Variants in RSBN1L observed in about 807,000 individuals in gnomAD.
RSBN1L encodes round spermatid basic protein 1 like.
Under a neutral mutation model 67.7 loss-of-function variants are expected in RSBN1L, and 30 were observed. The observed-to-expected ratio is 0.44, with a 90% confidence interval of 0.33 to 0.60. The LOEUF (loss-of-function observed/expected upper bound fraction) is 0.60, where lower values mean the gene tolerates loss of function less well. RSBN1L is among the 20% of genes least tolerant of loss of function. RSBN1L has a pLI of 0.02. For synonymous variants in RSBN1L, 433 were observed against 387.0 expected, an observed-to-expected ratio of 1.12 and a Z score of -1.39; for missense variants, 992 against 1,031.7, an observed-to-expected ratio of 0.96 and a Z score of 0.53.
chr7:77,705,714 G>C (rs897343964), intron 1 of RSBN1L, among the ~76,000 whole-genome samples: 3 of 151,716 alleles, frequency 2.0e-5, no homozygotes, highest in Non-Finnish European at 4.4e-5. Flanking sequence ...GTTTCACCAT[G>C]TTGACCAGGC....
chr7:77,716,624 CTTTTTT>C (rs61611975), intron 1 of RSBN1L, among the ~76,000 whole-genome samples: 2 of 75,290 alleles, frequency 2.7e-5, no homozygotes, highest in African/African-American at 5.1e-5. Context: ...GTATCTTCAT[CTTTTTT>C]TTTTTTTTTT....
chr7:77,698,870 C>CAGAA (rs34861647), intron 1 of RSBN1L, among the ~76,000 whole-genome samples: 3 of 151,960 alleles, frequency 2.0e-5, no homozygotes, highest in Non-Finnish European at 4.4e-5. Flanking sequence ...GATTCCTTTC[C>CAGAA]AGTGTCTTGG....
chr7:77,745,959 C>T (rs890189961), intron 2 of RSBN1L, among the ~76,000 whole-genome samples: 1 of 152,100 alleles, frequency 6.6e-6, no homozygotes, highest in African/African-American at 2.4e-5. Flanking sequence ...GAATCTAATA[C>T]TGACAGGAAG....
chr7:77,711,810 G>A (rs988341016), intron 1 of RSBN1L, among the ~76,000 whole-genome samples: 1 of 152,136 alleles, frequency 6.6e-6, no homozygotes, highest in Non-Finnish European at 1.5e-5. Flanking sequence ...AATTTTACCT[G>A]TTGTGCATAT....
At chr7:77,772,042 C>G (rs1791857238) in intron 5 of RSBN1L, among the ~76,000 whole-genome samples, 1 of 152,100 alleles carries the variant, frequency 6.6e-6, no homozygotes, top group Non-Finnish European at 1.5e-5. Flanking sequence ...AAGTGCTGTA[C>G]AGTCTTAATT....
chr7:77,740,822 C>A (rs1458801390), intron 2 of RSBN1L, among the ~76,000 whole-genome samples: 1 of 151,738 alleles, frequency 6.6e-6, no homozygotes, highest in Admixed American at 6.6e-5. Context: ...TCTAAGTATA[C>A]CTGCATCTCT....
Position 77,763,942 on chromosome 7 carries a change from C to T in RSBN1L, c.1345-1553C>T, listed in dbSNP as rs916164545. Among the ~76,000 whole-genome samples, 4 of 152,182 alleles carry T rather than the reference C, an allele frequency of 2.6e-5. No homozygotes were observed. The East Asian group carries it at 7.7e-4, about 29-fold the overall frequency. The stretch of plus-strand genomic sequence containing the variant: ...GGTGAATTTATTAAAGAATTAATGT[C>T]ATTATTAAACTGCTTTGCTGATTAT... On this transcript the variant is annotated intron_variant, in intron 3 of 7. Transcript: ENST00000334955.
chr7:77,716,580 G>T (rs1288282948), intron 1 of RSBN1L, among the ~76,000 whole-genome samples: 1 of 142,226 alleles, frequency 7.0e-6, no homozygotes, highest in Non-Finnish European at 1.5e-5. Flanking sequence ...TTATAGTCAT[G>T]ACAGAATTAT....
intron 3 of RSBN1L, among the ~76,000 whole-genome samples, chr7:77,763,709 T>C (rs1791725508): frequency 6.6e-6 from 1 of 152,214 alleles, no homozygotes; most frequent in Non-Finnish European, 1.5e-5. Flanking sequence ...GTTTGTTTTT[T>C]TGAGACAGGA....
Position 77,713,651 on chromosome 7 carries a change from C to T in RSBN1L, c.586+16596C>T, listed in dbSNP as rs540287574. On this transcript the variant is annotated intron_variant, in intron 1 of 7. Transcript: ENST00000334955. Reference sequence around the variant, plus strand: ...GATTACAGGCGTGAGCCACCATGCCCGGCCTCTCTCTTCCTTTTTTTTTTT... The same window carrying T: ...GATTACAGGCGTGAGCCACCATGCCTGGCCTCTCTCTTCCTTTTTTTTTTT... 6.6e-5 allele frequency among the ~76,000 whole-genome samples: 10 copies of T among 151,144 alleles called. No individual in the cohort carries two copies. The South Asian group carries it at 1.3e-3, about 19-fold the overall frequency.
chr7:77,753,914 C>T (rs1231736162), intron 3 of RSBN1L, among the ~76,000 whole-genome samples: 1 of 152,120 alleles, frequency 6.6e-6, no homozygotes, highest in Non-Finnish European at 1.5e-5. Flanking sequence ...AAAAGATACC[C>T]CTTCCTCATT....
chr7:77,767,719 T>A (rs1791789460), intron 4 of RSBN1L, among the ~76,000 whole-genome samples: 1 of 116,288 alleles, frequency 8.6e-6, no homozygotes, highest in Non-Finnish European at 1.8e-5. Flanking sequence ...CCTCTGTCTC[T>A]CGCCTCGCCT....
intron 5 of RSBN1L, among the ~76,000 whole-genome samples, chr7:77,772,645 C>T (rs1791864061): frequency 6.6e-6 from 1 of 152,300 alleles, no homozygotes; most frequent in South Asian, 2.1e-4. Context: ...TTTGATTCTT[C>T]CCTCACTAGA....
intron 1 of RSBN1L, among the ~76,000 whole-genome samples, chr7:77,734,823 G>A (rs1218778529): frequency 6.6e-6 from 1 of 152,118 alleles, no homozygotes; most frequent in Non-Finnish European, 1.5e-5. Flanking sequence ...AGCAGCCTAT[G>A]ACAGGATTTC....
intron 2 of RSBN1L, among the ~76,000 whole-genome samples, chr7:77,746,994 C>T (rs1791492605): frequency 2.6e-5 from 4 of 152,162 alleles, no homozygotes; most frequent in Admixed American, 2.6e-4. Flanking sequence ...CTCTCAAGGG[C>T]TGGTATTGAG....
At chr7:77,726,983 A>G (rs1028621367) in intron 1 of RSBN1L, among the ~76,000 whole-genome samples, 4 of 150,096 alleles carry the variant, frequency 2.7e-5, no homozygotes, top group African/African-American at 7.4e-5. Flanking sequence ...GGGTTTCACC[A>G]TGTTGGCCAG....
At chr7:77,768,587 CAAT>C in intron 4 of RSBN1L, 71 bp from the exon 5 acceptor site, 1 of 1,128,156 alleles carries the variant, frequency 8.9e-7, no homozygotes, top group Non-Finnish European at 1.2e-6. Context: ...GTCAGGGGAA[CAAT>C]ATTATTATTA....
chr7:77,773,546 C>T (rs897266021), intron 6 of RSBN1L: 1 of 288,186 alleles, frequency 3.5e-6, no homozygotes, highest in African/African-American at 2.2e-5. Flanking sequence ...GGGTGGATCA[C>T]AAGGTCAGGA....
At chr7:77,697,340 C>T (rs1790751721) in intron 1 of RSBN1L, 1 of 325,518 alleles carries the variant, frequency 3.1e-6, no homozygotes. Flanking sequence ...ATCTTGAGGA[C>T]TCTCCTAGGT....
Sources: allele counts gnomAD v4.1 joint callset (sites outside exome capture counted in the v4.1 genomes callset), GRCh38; gene constraint gnomAD v4.1.1; transcripts MANE v1.5; gene names NCBI Gene and HGNC (gene_info 2026-07-23, HGNC 2026-07-21).